SYTL3: variants seen among roughly 807,000 people sequenced by gnomAD.
The protein encoded by SYTL3 is synaptotagmin-like protein 3.
In SYTL3, 88 loss-of-function variants were observed where a neutral mutation model predicts 82.1. That is an observed-to-expected ratio of 1.07 (90% CI 0.90 to 1.28). SYTL3 has a LOEUF of 1.28. SYTL3 is among the 50% of genes most tolerant of loss of function. The pLI, the probability that SYTL3 is intolerant of heterozygous loss-of-function variation, is 0.00. For synonymous variants in SYTL3, 311 were observed against 289.4 expected, an observed-to-expected ratio of 1.07 and a Z score of -0.76; for missense variants, 831 against 757.6, an observed-to-expected ratio of 1.10 and a Z score of -1.14.
chr6:158,684,443 C>T (rs980061500), intron 6 of SYTL3, among the ~76,000 whole-genome samples: 36 of 152,268 alleles, frequency 2.4e-4, no homozygotes, highest in African/African-American at 7.7e-4. Flanking sequence ...GTGCTTTGAT[C>T]ACAGAAGAGC....
At chr6:158,764,445 T>C (rs1790498578) in intron 17 of SYTL3, 50 bp from the exon 18 acceptor site, 1 of 1,356,650 alleles carries the variant, frequency 7.4e-7, no homozygotes, top group Non-Finnish European at 1.1e-6. Context: ...TGAGAGGGGA[T>C]GAAGTGGTGC....
chr6:158,717,839 G>A lies in SYTL3; in HGVS notation c.596-248G>A, dbSNP rs183790919. Among the ~76,000 whole-genome samples, 549 of 152,268 alleles carry A rather than the reference G, an allele frequency of 3.6e-3. 2 individuals are homozygous for A. Among genetic ancestry groups the A allele is most frequent in the Middle Eastern group, 0.017 (5 of 294 alleles). On this transcript the variant is annotated intron_variant, in intron 9 of 17. Transcript: ENST00000611299. ...TCACCTCTCACCCTGACCATGGCCT[G>A]GGTGGCCACAGCGGGACCTTGAAGG...
At chr6:158,756,719 A>ATTTTTTTTTTTTTTTTTTTTTTTTT (rs758259824) in intron 13 of SYTL3, among the ~76,000 whole-genome samples, 1 of 48,566 alleles carries the variant, frequency 2.1e-5, no homozygotes, top group Non-Finnish European at 3.4e-5. Context: ...TCAAAAAAAA[A>ATTTTTTTTTTTTTTTTTTTTTTTTT]TTTTTTTTTT....
chr6:158,688,012 A>G (rs1779470764), intron 6 of SYTL3, among the ~76,000 whole-genome samples: 1 of 152,194 alleles, frequency 6.6e-6, no homozygotes, highest in African/African-American at 2.4e-5. Context: ...GACTTATCCA[A>G]TTTCAAATGT....
Position 158,660,451 on chromosome 6 carries a change from C to T in SYTL3, c.-636-818C>T, listed in dbSNP as rs75963896. On this transcript the variant is annotated intron_variant, in intron 2 of 17. Coordinates refer to ENST00000611299, the MANE Select transcript of SYTL3 (RefSeq NM_001242394.2). ...AGCTCCCTCTTAGCCTTCGAAAGGG[C>T]GTTTCCCACACTTGCACCTGGGGCC... is the stretch of plus-strand genomic sequence containing the variant. Among the ~76,000 whole-genome samples the T allele has an allele frequency of 7.8e-3, 1,184 of 152,346 alleles. 4 individuals carry two copies. The highest frequency in any genetic ancestry group is 0.012 in the Non-Finnish European group (850 of 68,024).
intron 6 of SYTL3, among the ~76,000 whole-genome samples, chr6:158,685,722 G>A (rs1489796448): frequency 6.6e-6 from 1 of 152,142 alleles, no homozygotes; most frequent in East Asian, 1.9e-4. Flanking sequence ...GGAGGCTGAG[G>A]CAGGAGAATT....
intron 9 of SYTL3, among the ~76,000 whole-genome samples, chr6:158,715,613 A>ACACACACACACACACACG (rs1291340388): frequency 2.8e-5 from 4 of 141,834 alleles, no homozygotes; most frequent in Non-Finnish European, 6.1e-5. Flanking sequence ...ACACACACAC[A>ACACACACACACACACACG]CACGCACGCA....
intron 5 of SYTL3, among the ~76,000 whole-genome samples, chr6:158,665,827 G>A (rs771024437): frequency 2.0e-5 from 3 of 152,066 alleles, no homozygotes; most frequent in South Asian, 2.1e-4. Context: ...ACAGAAGTTT[G>A]GGCCAAGTGT....
chr6:158,764,372 G>A lies in SYTL3; in HGVS notation c.1724-123G>A, dbSNP rs1209226185. 34 of 672,966 alleles carry A rather than the reference G, an allele frequency of 5.1e-5. No homozygotes were observed. The Admixed American group carries it at 7.6e-4, about 15-fold the overall frequency. 41.7% of individuals were successfully genotyped at this position (672,966 alleles called of 1,614,324 possible). On this transcript the variant is annotated intron_variant, in intron 17 of 17. Coordinates refer to ENST00000611299, the MANE Select transcript of SYTL3 (RefSeq NM_001242394.2). ...GGTGGTGGCGGCGTCTGTCATCAGT[G>A]GTTGGCCTTTTAATGTGGACTTGAG... is the stretch of plus-strand genomic sequence containing the variant.
chr6:158,748,034 A>C (rs1427817337), intron 12 of SYTL3, among the ~76,000 whole-genome samples: 1 of 149,354 alleles, frequency 6.7e-6, no homozygotes, highest in African/African-American at 2.5e-5. Context: ...TTCCTGTGGC[A>C]CCCAAGGGTT....
In SYTL3 at chr6:158,682,715, C is replaced by T. The variant is rs1303204029; in HGVS notation, c.330-210C>T. ...ATGACATGCAAGATAAAACACATAG[C>T]GGTGGGAGTTGCACAGCTTTGCTGC... is the stretch of plus-strand genomic sequence containing the variant. On this transcript the variant is annotated intron_variant, in intron 5 of 17. Transcript: ENST00000611299. 3.3e-5 allele frequency among the ~76,000 whole-genome samples: 5 copies of T among 152,106 alleles called. No homozygotes were observed. The South Asian group carries it at 6.2e-4, about 19-fold the overall frequency.
chr6:158,714,846 T>C (rs1229011043), intron 9 of SYTL3, among the ~76,000 whole-genome samples: 1 of 152,224 alleles, frequency 6.6e-6, no homozygotes, highest in Non-Finnish European at 1.5e-5. Flanking sequence ...TTTAATTAGT[T>C]GTCCGTATTC....
intron 14 of SYTL3, 120 bp downstream of exon 14, chr6:158,757,501 C>G (rs915445701): frequency 8.9e-7 from 1 of 1,118,652 alleles, no homozygotes. Context: ...ACTGTGTGTT[C>G]GCCGGCCTGG....
chr6:158,663,432 G>A, intron 4 of SYTL3, 54 bp downstream of exon 4: 2 of 1,596,338 alleles, frequency 1.3e-6, no homozygotes, highest in Non-Finnish European at 1.7e-6. Flanking sequence ...CTCTGCTTGG[G>A]GCCTGCCACT....
intron 6 of SYTL3, among the ~76,000 whole-genome samples, chr6:158,703,304 C>G (rs1781546508): frequency 6.6e-6 from 1 of 152,084 alleles, no homozygotes; most frequent in Non-Finnish European, 1.5e-5. Flanking sequence ...CAGACCTGGG[C>G]CCTGGCCTGC....
rs532380698 is a variant in SYTL3, at chr6:158,759,384, C to T, written c.1309-1256C>T. On this transcript the variant is annotated intron_variant, in intron 14 of 17. Transcript: ENST00000611299. The stretch of plus-strand genomic sequence containing the variant: ...ATTTGGCACCCGAGGGCCAGGAAGA[C>T]GGGCTGGCCCACGCGGGCTCCCAGG... Among the ~76,000 whole-genome samples the T allele has an allele frequency of 3.3e-5, 5 of 152,042 alleles. No homozygotes were observed. In the South Asian group the frequency reaches 6.2e-4, roughly 19 times the overall value.
In SYTL3 at chr6:158,745,653, C is replaced by T; in HGVS notation, c.1029C>T (p.Cys343=). 1 of 1,591,276 alleles carries T rather than the reference C, an allele frequency of 6.3e-7. No individual in the cohort carries two copies. Reference sequence around the variant, plus strand: ...ATGGAGAAGAAAAGAAGAAAAAGTGCAATCCGTAAGTTGTTTTTTTTAAGT... The same window carrying T: ...ATGGAGAAGAAAAGAAGAAAAAGTGTAATCCGTAAGTTGTTTTTTTTAAGT... The part of the protein sequence containing the change: ...LAYGEEKKKK[C]NPYVKTYLLP... Residue 343 remains cysteine (C), a synonymous_variant, in exon 12 of 18, where the codon TGC becomes TGT. Transcript: ENST00000611299.
At chr6:158,688,405 C>T (rs561323938) in intron 6 of SYTL3, among the ~76,000 whole-genome samples, 1 of 152,286 alleles carries the variant, frequency 6.6e-6, no homozygotes, top group African/African-American at 2.4e-5. Context: ...AAATTTCCTT[C>T]TTCCCACACT....
intron 2 of SYTL3, among the ~76,000 whole-genome samples, chr6:158,660,598 T>C (rs1370303011): frequency 1.3e-5 from 2 of 152,124 alleles, no homozygotes; most frequent in African/African-American, 4.8e-5. Flanking sequence ...TATTTCAGAT[T>C]CCCCCACCAG....
Sources: allele counts gnomAD v4.1 joint callset (sites outside exome capture counted in the v4.1 genomes callset), GRCh38; gene constraint gnomAD v4.1.1; transcripts MANE v1.5; gene names NCBI Gene and HGNC (gene_info 2026-07-23, HGNC 2026-07-21).